Variants in NCOA1 observed in about 807,000 individuals in gnomAD.
The protein encoded by NCOA1 is Hin-2 protein.
A neutral mutation model predicts 150.9 loss-of-function variants in NCOA1; 35 were observed. The ratio of observed to expected loss-of-function variants is 0.23; its 90% confidence interval spans 0.18 to 0.31. The LOEUF (loss-of-function observed/expected upper bound fraction) is 0.31, where lower values mean the gene tolerates loss of function less well. Among genes scored for constraint, NCOA1 ranks in the 10% least tolerant of loss-of-function variants. The pLI, the probability that NCOA1 is intolerant of heterozygous loss-of-function variation, is 1.00. For missense variants in NCOA1, 1,491 were observed against 1,749.3 expected (o/e 0.85, Z 2.63); for synonymous variants, 590 against 630.0 (o/e 0.94, Z 0.95).
chr2:24,617,441 T>C (rs1032942302), intron 3 of NCOA1, among the ~76,000 whole-genome samples: 7 of 152,286 alleles, frequency 4.6e-5, no homozygotes, highest in African/African-American at 1.4e-4. Flanking sequence ...TCTTGAAATA[T>C]TGCAGTGCTT....
chr2:24,710,995 C>T lies in NCOA1; in HGVS notation c.2483C>T (p.Pro828Leu). The change falls in exon 14 of 23, where the codon CCA becomes CTA. Residue 828 changes from proline to leucine, a missense_variant. Pro to Leu is a moderately conservative substitution (Grantham distance 98). This residue lies in a region of NCOA1 where 703 missense variants were observed against 717.7 expected (regional missense o/e 0.98). Coordinates refer to ENST00000348332, the MANE Select transcript of NCOA1 (RefSeq NM_003743.5). The part of the protein sequence containing the change: ...LPTLEKAAQL[P>L]GLCETDRMDG... ...ACGCTGGAGAAGGCAGCACAGTTGC[C>T]AGGCTTATGTGAGACAGACAGGATG... 1 of 1,614,160 alleles carries T rather than the reference C, an allele frequency of 6.2e-7. No individual in the cohort carries two copies. Among genetic ancestry groups the T allele is most frequent in the South Asian group, 1.1e-5 (1 of 91,080 alleles).
chr2:24,506,673 A>G (rs76676093), intron 1 of NCOA1, among the ~76,000 whole-genome samples: 1 of 152,146 alleles, frequency 6.6e-6, no homozygotes, highest in Non-Finnish European at 1.5e-5. Flanking sequence ...TATGAAATAT[A>G]TATAGTACCT....
chr2:24,670,769 T>A (rs1671647300), intron 6 of NCOA1, among the ~76,000 whole-genome samples: 1 of 152,190 alleles, frequency 6.6e-6, no homozygotes, highest in African/African-American at 2.4e-5. Flanking sequence ...GTTGCACAAT[T>A]CTGTGAATAT....
chr2:24,658,651 T>C lies in NCOA1; in HGVS notation c.-17-10T>C, dbSNP rs1169379203. ...AGGGTAGATTTCTTACTGTTGTCCT[T>C]CCTGTTTAGGTGTGAAGTTTTTCAA... On this transcript the variant is annotated splice_polypyrimidine_tract_variant and intron_variant, in intron 4 of 22. Transcript: ENST00000348332. The C allele has an allele frequency of 1.2e-6, 2 of 1,600,994 alleles. No individual in the cohort carries two copies. Among genetic ancestry groups the C allele is most frequent in the African/African-American group, 2.7e-5 (2 of 74,562 alleles).
At chr2:24,576,915 G>A (rs1667014196) in intron 2 of NCOA1, among the ~76,000 whole-genome samples, 1 of 152,010 alleles carries the variant, frequency 6.6e-6, no homozygotes. Context: ...TCTGAGTCTT[G>A]GTCAGTTGCC....
intron 1 of NCOA1, among the ~76,000 whole-genome samples, chr2:24,504,298 G>C (rs1235498785): frequency 6.6e-6 from 1 of 152,200 alleles, no homozygotes; most frequent in Non-Finnish European, 1.5e-5. Context: ...AAATAGGTTT[G>C]GTGTACCATC....
chr2:24,707,507 T>A lies in NCOA1; in HGVS notation c.2037T>A (p.Ser679=). The change falls in exon 13 of 23, where the codon TCT becomes TCA. Residue 679 remains serine, a synonymous_variant. Coordinates refer to ENST00000348332, the MANE Select transcript of NCOA1 (RefSeq NM_003743.5). ...ANSSGGSCPS[S]HSSLTERHKI... ...CTTCAGGAGGTTCTTGTCCCTCTTC[T>A]CATAGCTCATTGACAGAACGGCATA... is the stretch of plus-strand genomic sequence containing the variant. The A allele has an allele frequency of 6.2e-7, 1 of 1,614,182 alleles. No individual in the cohort carries two copies. The highest frequency in any genetic ancestry group is 2.2e-5 in the East Asian group (1 of 44,884).
chr2:24,732,295 A>G (rs1002961787), intron 17 of NCOA1, among the ~76,000 whole-genome samples: 1 of 150,576 alleles, frequency 6.6e-6, no homozygotes, highest in African/African-American at 2.5e-5. Flanking sequence ...ATGGTAACCT[A>G]ACAGAGTAAA....
chr2:24,731,037 CAAAA>C (rs202108180), intron 17 of NCOA1, among the ~76,000 whole-genome samples: 1 of 61,512 alleles, frequency 1.6e-5, no homozygotes. Context: ...GACTCTGTCT[CAAAA>C]AAAAAAAAAA....
In NCOA1 at chr2:24,579,145, G is replaced by A. The variant is rs138350246; in HGVS notation, c.-259-5331G>A. 5.8e-4 allele frequency among the ~76,000 whole-genome samples: 88 copies of A among 152,272 alleles called. 2 individuals carry two copies. The East Asian group carries it at 0.01, about 18-fold the overall frequency. On this transcript the variant is annotated intron_variant, in intron 2 of 22. Coordinates refer to ENST00000348332, the MANE Select transcript of NCOA1 (RefSeq NM_003743.5). ...TGTTCTCAGATACCTTAATGAGTAA[G>A]GGGGATGGGCAACAAGTTGGTTGAT...
rs1407185543 is a variant in NCOA1, at chr2:24,584,513, C to T, written c.-222C>T. The T allele has an allele frequency of 6.6e-6, 1 of 152,138 alleles. No homozygotes were observed. The highest frequency in any genetic ancestry group is 1.5e-5 in the Non-Finnish European group (1 of 68,020). The allele number at this position is 152,138 out of a possible 1,614,324, so 9.4% of individuals were successfully genotyped here. A position where few individuals can be genotyped will look rare whatever the true frequency, so the allele number is the denominator to read the frequency against. On this transcript the variant is annotated 5_prime_UTR_variant, in exon 3 of 23. Transcript: ENST00000348332. ...GCTATATCAGAGAATGAGTTAATCT[C>T]CTCAGAAATCACTAAATACTACTCT... is the stretch of plus-strand genomic sequence containing the variant.
intron 1 of NCOA1, among the ~76,000 whole-genome samples, chr2:24,521,497 C>CT (rs560209764): frequency 2.0e-4 from 30 of 152,278 alleles, no homozygotes; most frequent in African/African-American, 6.3e-4. Flanking sequence ...TATTTGTCCT[C>CT]TGTGTCTGGT....
chr2:24,711,180 C>T, intron 14 of NCOA1, 69 bp downstream of exon 14: 6 of 1,448,368 alleles, frequency 4.1e-6, no homozygotes, highest in Non-Finnish European at 5.6e-6. Context: ...TTGTCTCTCA[C>T]CAGTATTACA....
At chr2:24,689,748 A>G (rs902786239) in intron 8 of NCOA1, among the ~76,000 whole-genome samples, 1 of 152,218 alleles carries the variant, frequency 6.6e-6, no homozygotes, top group African/African-American at 2.4e-5. Context: ...TTTCCTAATA[A>G]TTAGACAACT....
chr2:24,682,918 C>T, intron 7 of NCOA1, 33 bp from the exon 8 acceptor site: 3 of 1,537,518 alleles, frequency 2.0e-6, no homozygotes, highest in Non-Finnish European at 2.6e-6. Context: ...TATCTTTCAA[C>T]CTCCAAACCA....
At chr2:24,611,854 C>CA (rs1553436751) in intron 3 of NCOA1, among the ~76,000 whole-genome samples, 1 of 148,262 alleles carries the variant, frequency 6.7e-6, no homozygotes, top group East Asian at 2.0e-4. Flanking sequence ...ATAGATGAGT[C>CA]TTTTTTTTTT....
chr2:24,714,056 A>T (rs1422590598), intron 14 of NCOA1, among the ~76,000 whole-genome samples: 2 of 152,202 alleles, frequency 1.3e-5, no homozygotes, highest in East Asian at 3.8e-4. Context: ...CTCACACAAG[A>T]TTGGAAGATA....
chr2:24,566,140 G>A (rs769441642), intron 2 of NCOA1, among the ~76,000 whole-genome samples: 2 of 152,174 alleles, frequency 1.3e-5, no homozygotes, highest in African/African-American at 2.4e-5. Context: ...TAAGGTACAC[G>A]GGTAAATGGA....
intron 19 of NCOA1, among the ~76,000 whole-genome samples, chr2:24,743,332 A>G (rs1437142387): frequency 6.6e-6 from 1 of 152,232 alleles, no homozygotes; most frequent in African/African-American, 2.4e-5. Context: ...CAGCCAAATC[A>G]ATTTAGAGTT....
Sources: allele counts gnomAD v4.1 joint callset (sites outside exome capture counted in the v4.1 genomes callset), GRCh38; gene constraint gnomAD v4.1.1; regional missense constraint gnomAD v4.1.1; transcripts MANE v1.5; gene names NCBI Gene and HGNC (gene_info 2026-07-23, HGNC 2026-07-21).